Variants in POU6F2 observed in about 807,000 individuals in gnomAD.
POU6F2 encodes the protein POU domain, class 6, transcription factor 2.
In POU6F2, 31 loss-of-function variants were observed where a neutral mutation model predicts 71.3. The observed-to-expected ratio is 0.43, with a 90% CI of 0.33 to 0.59. The LOEUF (loss-of-function observed/expected upper bound fraction) is 0.59, where lower values mean the gene tolerates loss of function less well. POU6F2 is among the 20% of genes least tolerant of loss of function. POU6F2 has a pLI of 0.04. For synonymous variants in POU6F2, 347 were observed against 355.7 expected, an observed-to-expected ratio of 0.98 and a Z score of 0.27; for missense variants, 783 against 856.8, an observed-to-expected ratio of 0.91 and a Z score of 1.07.
At chr7:39,075,977 G>C (rs1790994803) in intron 1 of POU6F2, among the ~76,000 whole-genome samples, 1 of 152,184 alleles carries the variant, frequency 6.6e-6, no homozygotes, top group African/African-American at 2.4e-5. Context: ...AGTCACACAA[G>C]CTGAACTCAC....
At chr7:39,042,240 G>A (rs1314106819) in intron 1 of POU6F2, among the ~76,000 whole-genome samples, 2 of 151,932 alleles carry the variant, frequency 1.3e-5, no homozygotes, top group Non-Finnish European at 2.9e-5. Context: ...TAAATGAATG[G>A]TGACTCCTGC....
At chr7:39,225,835 T>C (rs967494997) in intron 4 of POU6F2, among the ~76,000 whole-genome samples, 1 of 152,184 alleles carries the variant, frequency 6.6e-6, no homozygotes, top group Admixed American at 6.5e-5. Context: ...TATTCGTTAA[T>C]TTTGTCATAA....
At chr7:39,087,093 G>A (rs1484310954) in intron 2 of POU6F2, among the ~76,000 whole-genome samples, 1 of 149,502 alleles carries the variant, frequency 6.7e-6, no homozygotes, top group Non-Finnish European at 1.5e-5. Context: ...TCATTACATA[G>A]ACTACTACTT....
chr7:39,147,082 CATT>C (rs1366496262), intron 2 of POU6F2, among the ~76,000 whole-genome samples: 7 of 152,020 alleles, frequency 4.6e-5, no homozygotes, highest in Non-Finnish European at 8.8e-5. Flanking sequence ...TGTATTAAAA[CATT>C]ATATTATCTG....
intron 4 of POU6F2, among the ~76,000 whole-genome samples, chr7:39,334,977 C>A (rs145099732): frequency 3.3e-5 from 5 of 152,250 alleles, no homozygotes; most frequent in African/African-American, 1.2e-4. Flanking sequence ...TTAGATGCCA[C>A]CCCGGAGATA....
Position 39,207,432 on chromosome 7 carries a change from G to T in POU6F2, c.410G>T (p.Gly137Val). ...TAQQLASAVA[G>V]VMPGGPPALN... Reference sequence around the variant, plus strand: ...CAGCAGTTAGCTTCTGCTGTGGCCGGCGTGATGCCGGGAGGCCCCCCAGCC... The same window carrying T: ...CAGCAGTTAGCTTCTGCTGTGGCCGTCGTGATGCCGGGAGGCCCCCCAGCC... The change falls in exon 4 of 10, where the codon GGC becomes GTC. Residue 137 changes from glycine to valine, a missense_variant. By Grantham distance (109) the Gly-to-Val change is moderately radical. Around this residue, in one of 2 missense-constraint regions of POU6F2, gnomAD observed 572 missense variants for 572.9 expected, o/e 1.00. Coordinates refer to ENST00000518318, the MANE Select transcript of POU6F2 (RefSeq NM_001370959.1). 6.2e-7 allele frequency: 1 copy of T among 1,613,958 alleles called. No individual in the cohort carries two copies. The highest frequency in any genetic ancestry group is 8.5e-7 in the Non-Finnish European group (1 of 1,179,868).
Position 39,162,749 on chromosome 7 carries a change from G to A in POU6F2, c.278-41486G>A, listed in dbSNP as rs556890856. Among the ~76,000 whole-genome samples, 8 of 152,204 alleles carry A rather than the reference G, an allele frequency of 5.3e-5. No homozygotes were observed. In the East Asian group the frequency reaches 1.5e-3, roughly 29 times the overall value. ...CTCAGAGCCATGATGCCATTATGCT[G>A]GTAAATGTCTAAGTGGGGATAGTAC... On this transcript the variant is annotated intron_variant, in intron 2 of 9. Coordinates refer to ENST00000518318, the MANE Select transcript of POU6F2 (RefSeq NM_001370959.1).
At chr7:39,138,015 G>T (rs370022697) in intron 2 of POU6F2, among the ~76,000 whole-genome samples, 2 of 152,276 alleles carry the variant, frequency 1.3e-5, no homozygotes, top group Admixed American at 6.5e-5. Flanking sequence ...GGAATTGGGG[G>T]TCTGTAAGAT....
intron 4 of POU6F2, among the ~76,000 whole-genome samples, chr7:39,220,558 A>C (rs1203403006): frequency 1.3e-5 from 2 of 152,184 alleles, no homozygotes; most frequent in African/African-American, 2.4e-5. Flanking sequence ...TACAGAAGCT[A>C]CATGGTCAGG....
intron 5 of POU6F2, among the ~76,000 whole-genome samples, chr7:39,354,133 G>A (rs778086924): frequency 5.3e-5 from 8 of 152,212 alleles, no homozygotes; most frequent in Non-Finnish European, 8.8e-5. Flanking sequence ...ATGGGAGGTG[G>A]GGGGAACAGG....
intron 1 of POU6F2, among the ~76,000 whole-genome samples, chr7:39,060,742 A>ATTCT: frequency 6.6e-6 from 1 of 152,312 alleles, no homozygotes; most frequent in Non-Finnish European, 1.5e-5. Context: ...GATGGTTCTC[A>ATTCT]AAGTGTTTGA....
At chr7:39,118,892 G>A (rs149591943) in intron 2 of POU6F2, among the ~76,000 whole-genome samples, 102 of 152,284 alleles carry the variant, frequency 6.7e-4, no homozygotes, top group African/African-American at 2.4e-3. Context: ...CGTATATCAG[G>A]AACTAGAGTG....
At chr7:39,459,452 G>GGTTTTGTTTTGTTTT (rs141262587) in intron 8 of POU6F2, among the ~76,000 whole-genome samples, 26 of 149,046 alleles carry the variant, frequency 1.7e-4, no homozygotes, top group African/African-American at 6.5e-4. Context: ...TGGTTTTGTG[G>GGTTTTGTTTTGTTTT]GTTTTGTTTT....
intron 2 of POU6F2, among the ~76,000 whole-genome samples, chr7:39,178,248 C>T (rs1245899347): frequency 1.3e-5 from 2 of 151,966 alleles, no homozygotes; most frequent in African/African-American, 4.8e-5. Context: ...AGTGAGACTC[C>T]ATCAAAAACA....
intron 4 of POU6F2, among the ~76,000 whole-genome samples, chr7:39,305,073 G>T (rs1202248869): frequency 6.6e-6 from 1 of 152,214 alleles, no homozygotes; most frequent in Non-Finnish European, 1.5e-5. Flanking sequence ...AAATTCACAA[G>T]TTAACATGTG....
At chr7:39,259,271 G>A (rs1365942338) in intron 4 of POU6F2, among the ~76,000 whole-genome samples, 1 of 152,168 alleles carries the variant, frequency 6.6e-6, no homozygotes, top group Non-Finnish European at 1.5e-5. Flanking sequence ...AAAACAGTGG[G>A]CAGCTTTTTA....
intron 4 of POU6F2, among the ~76,000 whole-genome samples, chr7:39,338,419 C>CCCTGG (rs1307938706): frequency 6.6e-6 from 1 of 152,066 alleles, no homozygotes; most frequent in Non-Finnish European, 1.5e-5. Flanking sequence ...CCCCAGAACA[C>CCCTGG]CCTGGCTCTA....
At chr7:39,153,036 C>T (rs1348975733) in intron 2 of POU6F2, among the ~76,000 whole-genome samples, 1 of 152,126 alleles carries the variant, frequency 6.6e-6, no homozygotes, top group Admixed American at 6.5e-5. Context: ...AGTGAGGTCT[C>T]TTGGGAAAGA....
intron 4 of POU6F2, among the ~76,000 whole-genome samples, chr7:39,216,633 AAG>A (rs768004883): frequency 1.1e-4 from 16 of 152,302 alleles, no homozygotes; most frequent in Non-Finnish European, 2.1e-4. Flanking sequence ...TTTGTACAAA[AAG>A]GGGGAATTTT....
Sources: gnomAD v4.1 joint callset for allele counts (sites outside exome capture counted in the v4.1 genomes callset) on GRCh38, gnomAD v4.1.1 for gene constraint, gnomAD v4.1.1 regional missense constraint, MANE v1.5 for transcripts, NCBI Gene and HGNC (gene_info 2026-07-23, HGNC 2026-07-21) for gene names.